Variants in METTL25 observed in about 807,000 individuals in gnomAD.
The protein encoded by METTL25 is methyltransferase like 25.
In METTL25, 64 loss-of-function variants were observed where a neutral mutation model predicts 71.6. That is an observed-to-expected ratio of 0.89 (90% CI 0.73 to 1.10). The LOEUF is 1.10. Among genes scored for constraint, METTL25 ranks in the 50% least tolerant of loss-of-function variants. The pLI is 0.00. For synonymous variants in METTL25, 287 were observed against 250.3 expected, an observed-to-expected ratio of 1.15 and a Z score of -1.38; for missense variants, 807 against 707.0, an observed-to-expected ratio of 1.14 and a Z score of -1.60.
intron 1 of METTL25, among the ~76,000 whole-genome samples, chr12:82,371,874 A>C (rs572201800): frequency 1.3e-5 from 2 of 152,132 alleles, no homozygotes; most frequent in South Asian, 4.2e-4. Context: ...CTTTTTCCTA[A>C]TTCTCCTTAG....
chr12:82,394,146 G>A (rs966164292), intron 3 of METTL25, among the ~76,000 whole-genome samples: 8 of 151,966 alleles, frequency 5.3e-5, no homozygotes, highest in African/African-American at 2.4e-5. Flanking sequence ...TGGTCCATGT[G>A]CTGAGAAGAA....
rs1336642083 is a variant in METTL25 at position 82,476,736 on chromosome 12, G to C, written c.1647+18G>C. ...TTAATATGGTAAATCTCAGAGTTAAGCATATTAAATTGGATATGTTGCTAG... is the reference window on the plus strand; with the variant it reads ...TTAATATGGTAAATCTCAGAGTTAACCATATTAAATTGGATATGTTGCTAG... On this transcript the variant is annotated intron_variant, in intron 10 of 11. Transcript: ENST00000248306. The C allele has an allele frequency of 3.3e-6, 5 of 1,522,452 alleles. No homozygotes were observed. Among genetic ancestry groups the C allele is most frequent in the East Asian group, 2.3e-5 (1 of 43,592 alleles). 94.3% of individuals were successfully genotyped at this position (1,522,452 alleles called of 1,614,324 possible).
At chr12:82,413,242 T>C (rs1248927211) in intron 5 of METTL25, among the ~76,000 whole-genome samples, 4 of 151,966 alleles carry the variant, frequency 2.6e-5, no homozygotes, top group Admixed American at 2.6e-4. Flanking sequence ...AACAACAACA[T>C]TGGGCCATAA....
At chr12:82,378,401 T>C (rs188087809) in intron 1 of METTL25, among the ~76,000 whole-genome samples, 76 of 152,240 alleles carry the variant, frequency 5.0e-4, no homozygotes, top group Admixed American at 2.0e-3. Flanking sequence ...CTGGTGGAGA[T>C]AGGGTAGGAG....
At chr12:82,362,063 C>T (rs989794661) in intron 1 of METTL25, among the ~76,000 whole-genome samples, 8 of 152,172 alleles carry the variant, frequency 5.3e-5, no homozygotes, top group East Asian at 1.9e-4. Context: ...AACAGATGTT[C>T]GGCACAATCA....
chr12:82,454,081 G>C (rs1266494248), intron 8 of METTL25, among the ~76,000 whole-genome samples: 2 of 152,038 alleles, frequency 1.3e-5, no homozygotes, highest in African/African-American at 2.4e-5. Context: ...ATTTAAAAGA[G>C]ACAAAATAGA....
At chr12:82,460,800 G>A (rs1001878608) in intron 9 of METTL25, among the ~76,000 whole-genome samples, 13 of 152,024 alleles carry the variant, frequency 8.6e-5, no homozygotes, top group African/African-American at 2.9e-4. Context: ...AATATAATGG[G>A]GACTTTAGTT....
At chr12:82,396,547 T>C (rs564311165) in intron 3 of METTL25, among the ~76,000 whole-genome samples, 1 of 152,084 alleles carries the variant, frequency 6.6e-6, no homozygotes, top group Non-Finnish European at 1.5e-5. Context: ...GTTGTGATAG[T>C]ATTTCCATAG....
chr12:82,398,792 T>C lies in METTL25; in HGVS notation c.532-3T>C. 6.6e-7 allele frequency: 1 copy of C among 1,507,914 alleles called. No homozygotes were observed. Among genetic ancestry groups the C allele is most frequent in the Non-Finnish European group, 8.8e-7 (1 of 1,135,802 alleles). 93.4% of individuals were successfully genotyped at this position (1,507,914 alleles called of 1,614,324 possible). A position where few individuals can be genotyped will look rare whatever the true frequency, so the allele number is the denominator to read the frequency against. On this transcript the variant is annotated splice_region_variant and splice_polypyrimidine_tract_variant and intron_variant, in intron 3 of 11. Coordinates refer to ENST00000248306, the MANE Select transcript of METTL25 (RefSeq NM_032230.3). Reference sequence around the variant, plus strand: ...TTAATTTATTCTTTTTTTCTAATCTTAGGTGATTGACTTGGGTTCCGGTAA... The same window carrying C: ...TTAATTTATTCTTTTTTTCTAATCTCAGGTGATTGACTTGGGTTCCGGTAA...
At chr12:82,442,544 AGGTATTAGT>A (rs1195877439) in intron 8 of METTL25, among the ~76,000 whole-genome samples, 1 of 152,172 alleles carries the variant, frequency 6.6e-6, no homozygotes, top group Non-Finnish European at 1.5e-5. Context: ...TAGAATGACA[AGGTATTAGT>A]GGTTGCTGAA....
Position 82,403,015 on chromosome 12 carries a change from T to C in METTL25, c.1164T>C (p.Gly388=), listed in dbSNP as rs776995177. The change falls in exon 5 of 12, where the codon GGT becomes GGC. Residue 388 remains glycine (G), a synonymous_variant. Coordinates refer to ENST00000248306, the MANE Select transcript of METTL25 (RefSeq NM_032230.3). ...DCLMVGLHTC[G]DLAPNTLRIF... ...TGATGGTGGGTCTCCACACTTGTGG[T>C]GATCTGGCTCCAAATACTTTGCGAA... 6.2e-7 allele frequency: 1 copy of C among 1,612,742 alleles called. No homozygotes were observed. The highest frequency in any genetic ancestry group is 8.5e-7 in the Non-Finnish European group (1 of 1,179,060).
intron 5 of METTL25, among the ~76,000 whole-genome samples, chr12:82,408,222 ATTAT>A (rs998786156): frequency 5.9e-5 from 9 of 152,168 alleles, no homozygotes; most frequent in Admixed American, 2.0e-4. Context: ...TATGTTCAAG[ATTAT>A]TTATAGTTAT....
intron 1 of METTL25, among the ~76,000 whole-genome samples, chr12:82,375,792 A>G (rs950568264): frequency 3.9e-5 from 6 of 152,248 alleles, no homozygotes; most frequent in Non-Finnish European, 8.8e-5. Flanking sequence ...GTGGTCATTA[A>G]TAGAATTAAG....
At chr12:82,443,902 G>A (rs1378294243) in intron 8 of METTL25, among the ~76,000 whole-genome samples, 2 of 152,152 alleles carry the variant, frequency 1.3e-5, no homozygotes, top group East Asian at 3.9e-4. Context: ...TTTCCCATTA[G>A]GCCCCACCTC....
chr12:82,469,736 G>A lies in METTL25; in HGVS notation c.1573-6908G>A, dbSNP rs149606596. 2.6e-3 allele frequency among the ~76,000 whole-genome samples: 389 copies of A among 152,048 alleles called. 2 individuals are homozygous for A. The highest frequency in any genetic ancestry group is 8.8e-3 in the African/African-American group (366 of 41,502). ...TTATTGAGGTTAATCTTTATGTCAT[G>A]GATTAAAATGGTGCACTTTGAGGTT... On this transcript the variant is annotated intron_variant, in intron 9 of 11. Coordinates refer to ENST00000248306, the MANE Select transcript of METTL25 (RefSeq NM_032230.3).
At chr12:82,378,816 T>C (rs10778904) in intron 1 of METTL25, among the ~76,000 whole-genome samples, 140,646 of 152,166 alleles carry the variant, frequency 0.92, 65,322 homozygotes, top group East Asian at 1. Context: ...TTGCTTGAGC[T>C]CAGGAGTTTG....
intron 6 of METTL25, among the ~76,000 whole-genome samples, chr12:82,433,940 T>A (rs983297939): frequency 1.3e-5 from 2 of 151,342 alleles, no homozygotes; most frequent in Non-Finnish European, 3.0e-5. Context: ...TGGAAATATA[T>A]CTAAAAACTC....
intron 9 of METTL25, among the ~76,000 whole-genome samples, chr12:82,470,411 T>A (rs202156557): frequency 6.6e-6 from 1 of 152,226 alleles, no homozygotes; most frequent in East Asian, 1.9e-4. Flanking sequence ...AAGAAGTGAG[T>A]ATGGACCAAG....
Position 82,462,414 on chromosome 12 carries a change from A to G in METTL25, c.1572+5594A>G, listed in dbSNP as rs183112933. ...ATCCTCTGTACTATGTTTTATTTCTATGAGATTAATGTTTTTTCCAGCTTC... is the reference window on the plus strand; with the variant it reads ...ATCCTCTGTACTATGTTTTATTTCTGTGAGATTAATGTTTTTTCCAGCTTC... On this transcript the variant is annotated intron_variant, in intron 9 of 11. Coordinates refer to ENST00000248306, the MANE Select transcript of METTL25 (RefSeq NM_032230.3). 1.6e-4 allele frequency among the ~76,000 whole-genome samples: 25 copies of G among 152,162 alleles called. No individual in the cohort carries two copies. In the East Asian group the frequency reaches 2.9e-3, roughly 18 times the overall value.
Sources: allele counts gnomAD v4.1 joint callset (sites outside exome capture counted in the v4.1 genomes callset), GRCh38; gene constraint gnomAD v4.1.1; transcripts MANE v1.5; gene names NCBI Gene and HGNC (gene_info 2026-07-23, HGNC 2026-07-21).